TBC1D5: variants seen among roughly 807,000 people sequenced by gnomAD.
The protein encoded by TBC1D5 is TBC1 domain family, member 5.
A neutral mutation model predicts 100.3 loss-of-function variants in TBC1D5; 75 were observed. That is an observed-to-expected ratio of 0.75 (90% CI 0.62 to 0.91). The LOEUF (loss-of-function observed/expected upper bound fraction) is 0.91. Ranked by LOEUF, TBC1D5 falls within the 40% of genes least tolerant of loss-of-function variation. The pLI is 0.00. For synonymous variants in TBC1D5, 323 were observed against 325.6 expected (o/e 0.99, Z 0.09); for missense variants, 910 against 942.4 (o/e 0.97, Z 0.45).
At chr3:17,430,037 T>C (rs2149384902) in intron 3 of TBC1D5, among the ~76,000 whole-genome samples, 1 of 151,938 alleles carries the variant, frequency 6.6e-6, no homozygotes, top group Middle Eastern at 3.4e-3. Context: ...TAGCTAGGTA[T>C]AAGTTGCTAA....
rs1464185205 is a variant in TBC1D5 at position 17,372,382 on chromosome 3, A to G, written c.823-135T>C. On this transcript the variant is annotated intron_variant, in intron 12 of 21. Coordinates refer to ENST00000253692, the Ensembl canonical transcript of TBC1D5. Reference sequence around the variant, plus strand: ...CTACTCATTCTTAAAAAAAGGTGAGAGCACCATGAAATAATTAAAATAGGA... The same window carrying G: ...CTACTCATTCTTAAAAAAAGGTGAGGGCACCATGAAATAATTAAAATAGGA... The G allele has an allele frequency of 6.8e-6, 5 of 731,272 alleles. No homozygotes were observed. In the East Asian group the frequency reaches 8.6e-5, roughly 13 times the overall value. The allele number at this position is 731,272 out of a possible 1,614,324, so 45.3% of individuals were successfully genotyped here.
intron 1 of TBC1D5, among the ~76,000 whole-genome samples, chr3:17,642,643 A>G (rs919109863): frequency 1.3e-5 from 2 of 152,138 alleles, no homozygotes; most frequent in African/African-American, 4.8e-5. Flanking sequence ...AATTGTTATC[A>G]AAGGATGATT....
intron 1 of TBC1D5, among the ~76,000 whole-genome samples, chr3:17,721,458 C>CATGT (rs1491552374): frequency 1.9e-3 from 196 of 104,102 alleles, no homozygotes; most frequent in African/African-American, 5.7e-3. Flanking sequence ...TGTGTGAGAG[C>CATGT]ATGTGTGTGT....
Position 17,484,557 on chromosome 3 carries a change from GGTGTGTGT to G in TBC1D5, c.97+23909_97+23916del, listed in dbSNP as rs57589115. Among the ~76,000 whole-genome samples, 4 of 145,740 alleles carry G rather than the reference GGTGTGTGT, an allele frequency of 2.7e-5. No homozygotes were observed. The East Asian group carries it at 8.1e-4, about 29-fold the overall frequency. ...TTTAAAGATAATAAGGTAACACCAG[GGTGTGTGT>G]GTGTGTGTGTATTCCTCCCACTCAG... is the stretch of plus-strand genomic sequence containing the variant. On this transcript the variant is annotated intron_variant, in intron 3 of 21. Coordinates refer to ENST00000253692, the Ensembl canonical transcript of TBC1D5.
At chr3:17,404,606 T>C (rs1045789865) in intron 7 of TBC1D5, 88 bp downstream of exon 7, 12 of 1,168,828 alleles carry the variant, frequency 1.0e-5, no homozygotes, top group Admixed American at 2.5e-5. Flanking sequence ...GCATGAAATA[T>C]ATTGCTTTCA....
chr3:17,706,316 G>C lies in TBC1D5; in HGVS notation c.-101+33027C>G, dbSNP rs1427704826. The stretch of plus-strand genomic sequence containing the variant: ...GGTCTCACCTTTTCTGTTCAAACCA[G>C]AACTGTATACCTTTGTGAAAGAGCA... On this transcript the variant is annotated intron_variant, in intron 1 of 21. Transcript: ENST00000253692. 2.1e-5 allele frequency: 31 copies of C among 1,465,982 alleles called. No individual in the cohort carries two copies. The South Asian group carries it at 3.5e-4, about 17-fold the overall frequency. The allele number at this position is 1,465,982 out of a possible 1,614,324, so 90.8% of individuals were successfully genotyped here. A position where few individuals can be genotyped will look rare whatever the true frequency, so the allele number is the denominator to read the frequency against.
At chr3:17,573,775 C>G (rs2096641164) in intron 2 of TBC1D5, among the ~76,000 whole-genome samples, 1 of 152,004 alleles carries the variant, frequency 6.6e-6, no homozygotes, top group African/African-American at 2.4e-5. Context: ...CCATCCCAAC[C>G]TCCAAGCTGG....
intron 1 of TBC1D5, among the ~76,000 whole-genome samples, chr3:17,680,198 G>A (rs2069256510): frequency 6.7e-6 from 1 of 149,964 alleles, no homozygotes; most frequent in South Asian, 2.1e-4. Flanking sequence ...GACTTAAAGA[G>A]ATCTGATATA....
chr3:17,391,282 C>A (rs538390119), intron 8 of TBC1D5, among the ~76,000 whole-genome samples: 30 of 151,994 alleles, frequency 2.0e-4, no homozygotes, highest in Admixed American at 1.7e-3. Flanking sequence ...GAAGGAGGAC[C>A]GTAAAGCAGC....
At chr3:17,397,001 C>T (rs2093524898) in intron 8 of TBC1D5, among the ~76,000 whole-genome samples, 1 of 152,060 alleles carries the variant, frequency 6.6e-6, no homozygotes, top group South Asian at 2.1e-4. Context: ...TTGTCCAGTA[C>T]AGTATATACA....
At chr3:17,710,216 A>G (rs2074576927) in intron 1 of TBC1D5, among the ~76,000 whole-genome samples, 1 of 152,182 alleles carries the variant, frequency 6.6e-6, no homozygotes, top group Non-Finnish European at 1.5e-5. Flanking sequence ...GGGGCCTGAA[A>G]TCCAGATAGA....
At chr3:17,315,883 G>T (rs2084640194) in intron 13 of TBC1D5, among the ~76,000 whole-genome samples, 1 of 152,172 alleles carries the variant, frequency 6.6e-6, no homozygotes, top group African/African-American at 2.4e-5. Context: ...ATGCCCCACT[G>T]AAGGCTGTAG....
chr3:17,354,848 C>G (rs2091045836), intron 13 of TBC1D5, among the ~76,000 whole-genome samples: 1 of 152,016 alleles, frequency 6.6e-6, no homozygotes, highest in East Asian at 1.9e-4. Context: ...TTTATCCATC[C>G]ATATGGATGT....
chr3:17,291,302 A>C (rs1247486438), intron 15 of TBC1D5, among the ~76,000 whole-genome samples: 8 of 152,228 alleles, frequency 5.3e-5, no homozygotes, highest in Non-Finnish European at 1.2e-4. Flanking sequence ...AAAAGAGCAC[A>C]CTTTTTCTCT....
At chr3:17,718,952 A>C (rs972567860) in intron 1 of TBC1D5, among the ~76,000 whole-genome samples, 1 of 152,214 alleles carries the variant, frequency 6.6e-6, no homozygotes, top group African/African-American at 2.4e-5. Flanking sequence ...ACACACAAAA[A>C]GTACAAATTC....
intron 1 of TBC1D5, among the ~76,000 whole-genome samples, chr3:17,687,387 T>C (rs1173973315): frequency 6.6e-6 from 1 of 152,174 alleles, no homozygotes; most frequent in Admixed American, 6.5e-5. Context: ...TTCCTTATAT[T>C]TGACCTGTTA....
intron 1 of TBC1D5, among the ~76,000 whole-genome samples, chr3:17,659,762 C>A (rs2066468354): frequency 6.6e-6 from 1 of 152,144 alleles, no homozygotes; most frequent in South Asian, 2.1e-4. Flanking sequence ...TTTTTTCTTA[C>A]ATACCAGTAT....
At chr3:17,218,922 T>C (rs1213385908) in intron 17 of TBC1D5, among the ~76,000 whole-genome samples, 1 of 151,970 alleles carries the variant, frequency 6.6e-6, no homozygotes, top group East Asian at 1.9e-4. Flanking sequence ...TTGGACTTCT[T>C]TGAGGTATGT....
chr3:17,173,181 A>G (rs1376085759), intron 19 of TBC1D5, among the ~76,000 whole-genome samples: 1 of 152,206 alleles, frequency 6.6e-6, no homozygotes, highest in Non-Finnish European at 1.5e-5. Flanking sequence ...CAGAAATGCC[A>G]GGTCTGTTAT....
Sources: gnomAD v4.1 joint callset for allele counts (sites outside exome capture counted in the v4.1 genomes callset) on GRCh38, gnomAD v4.1.1 for gene constraint, MANE v1.5 for transcripts, NCBI Gene and HGNC (gene_info 2026-07-23, HGNC 2026-07-21) for gene names.